The following ARFIP1 variants were observed in gnomAD, a reference collection of about 807,000 sequenced individuals.
ARFIP1 encodes ARF interacting protein 1, also known as arfaptin-1.
Under a neutral mutation model 42.5 loss-of-function variants are expected in ARFIP1, and 24 were observed. That is an observed-to-expected ratio of 0.57 (90% CI 0.41 to 0.80). The LOEUF (loss-of-function observed/expected upper bound fraction) is 0.80, where lower values mean the gene tolerates loss of function less well. Ranked by LOEUF, ARFIP1 falls within the 30% of genes least tolerant of loss-of-function variation. ARFIP1 has a pLI of 0.00. For synonymous variants in ARFIP1, 141 were observed against 153.7 expected (o/e 0.92, Z 0.61); for missense variants, 354 against 434.0 (o/e 0.82, Z 1.64).
intron 1 of ARFIP1, among the ~76,000 whole-genome samples, chr4:152,823,147 G>A (rs774074960): frequency 3.9e-5 from 6 of 152,012 alleles, no homozygotes; most frequent in East Asian, 1.9e-4. Context: ...TAAACTACTC[G>A]CTAGATGAAC....
At chr4:152,833,682 A>G (rs1432413172) in intron 2 of ARFIP1, among the ~76,000 whole-genome samples, 2 of 152,218 alleles carry the variant, frequency 1.3e-5, no homozygotes, top group Non-Finnish European at 2.9e-5. Flanking sequence ...ACAATGCGAT[A>G]TCATTCAAGC....
chr4:152,903,954 C>T (rs1201992758), intron 8 of ARFIP1, among the ~76,000 whole-genome samples: 1 of 152,148 alleles, frequency 6.6e-6, no homozygotes, highest in Non-Finnish European at 1.5e-5. Context: ...CTATTAACAG[C>T]AGCTCCCTGC....
chr4:152,911,080 T>C lies in ARFIP1; in HGVS notation c.*861T>C, dbSNP rs1738811841. 6.6e-6 allele frequency: 1 copy of C among 152,666 alleles called. No homozygotes were observed. The highest frequency in any genetic ancestry group is 1.5e-5 in the Non-Finnish European group (1 of 68,032). The allele number at this position is 152,666 out of a possible 1,614,324, so 9.5% of individuals were successfully genotyped here. A position where few individuals can be genotyped will look rare whatever the true frequency, so the allele number is the denominator to read the frequency against. Reference sequence around the variant, plus strand: ...GAAGTGAATACATAGACAGCTTTTATTGACTTCCATATGTAACAATACCGT... The same window carrying C: ...GAAGTGAATACATAGACAGCTTTTACTGACTTCCATATGTAACAATACCGT... On this transcript the variant is annotated 3_prime_UTR_variant, in exon 9 of 9. Coordinates refer to ENST00000353617, the MANE Select transcript of ARFIP1 (RefSeq NM_001025595.3).
At position 152,911,804 on chromosome 4, in the gene ARFIP1, A is replaced by G. The variant is rs990296870; in HGVS notation, c.*1585A>G. 8 of 152,488 alleles carry G rather than the reference A, an allele frequency of 5.2e-5. No homozygotes were observed. Among genetic ancestry groups the G allele is most frequent in the African/African-American group, 1.9e-4 (8 of 41,426 alleles). The allele number at this position is 152,488 out of a possible 1,614,324, so 9.4% of individuals were successfully genotyped here. On this transcript the variant is annotated 3_prime_UTR_variant, in exon 9 of 9. Coordinates refer to ENST00000353617, the MANE Select transcript of ARFIP1 (RefSeq NM_001025595.3). ...TGTATATTTGTACTCAGAGAGCCTT[A>G]TTTTATTCTTCCAGCAGAATTACTA...
At chr4:152,850,133 A>G (rs1395058547) in intron 2 of ARFIP1, among the ~76,000 whole-genome samples, 1 of 152,254 alleles carries the variant, frequency 6.6e-6, no homozygotes, top group Non-Finnish European at 1.5e-5. Context: ...ATTCTGCATC[A>G]GCATAGGTAG....
chr4:152,911,414 A>G lies in ARFIP1; in HGVS notation c.*1195A>G, dbSNP rs1262265008. 1 of 152,368 alleles carries G rather than the reference A, an allele frequency of 6.6e-6. No homozygotes were observed. The highest frequency in any genetic ancestry group is 1.5e-5 in the Non-Finnish European group (1 of 68,034). The allele number at this position is 152,368 out of a possible 1,614,324, so 9.4% of individuals were successfully genotyped here. A position where few individuals can be genotyped will look rare whatever the true frequency, so the allele number is the denominator to read the frequency against. ...TTTGGGACAGTGTGGTGGTACCAGG[A>G]AGAAAGAGGATTGGAAAGGCCAGTA... On this transcript the variant is annotated 3_prime_UTR_variant, in exon 9 of 9. Transcript: ENST00000353617.
At chr4:152,813,208 A>G (rs758335187) in intron 1 of ARFIP1, among the ~76,000 whole-genome samples, 12 of 150,850 alleles carry the variant, frequency 8.0e-5, no homozygotes, top group Non-Finnish European at 1.5e-4. Flanking sequence ...GATGATTTAA[A>G]GTGTACAGGA....
chr4:152,874,490 A>C (rs1164273713), intron 5 of ARFIP1, among the ~76,000 whole-genome samples: 1 of 152,196 alleles, frequency 6.6e-6, no homozygotes, highest in African/African-American at 2.4e-5. Context: ...CAACCAAAAA[A>C]AGTTCATAGT....
chr4:152,796,051 A>G (rs1578813831), intron 1 of ARFIP1: 2 of 706,928 alleles, frequency 2.8e-6, no homozygotes, highest in East Asian at 5.5e-5. Flanking sequence ...ATAATTATAT[A>G]TAAAATTGCT....
chr4:152,903,825 G>A (rs1383585297), intron 8 of ARFIP1, among the ~76,000 whole-genome samples: 2 of 152,014 alleles, frequency 1.3e-5, no homozygotes, highest in African/African-American at 2.4e-5. Flanking sequence ...AGCTGTCTCT[G>A]TGTTTAGTCA....
intron 1 of ARFIP1, among the ~76,000 whole-genome samples, chr4:152,823,207 G>A: frequency 6.6e-6 from 1 of 152,222 alleles, no homozygotes; most frequent in East Asian, 1.9e-4. Context: ...AAATGAAAAT[G>A]GAGACATTAC....
rs1178397930 is a variant in ARFIP1, at chr4:152,910,516, C to G, written c.*297C>G. ...TGAAAACATCTAATAGAGATTTGCA[C>G]TGACAAGATAAAAATTCAAGGTTTT... On this transcript the variant is annotated 3_prime_UTR_variant, in exon 9 of 9. Transcript: ENST00000353617. The G allele has an allele frequency of 4.9e-6, 1 of 205,298 alleles. No homozygotes were observed. Among genetic ancestry groups the G allele is most frequent in the Admixed American group, 5.9e-5 (1 of 16,968 alleles). The allele number at this position is 205,298 out of a possible 1,614,324, so 12.7% of individuals were successfully genotyped here.
Position 152,872,511 on chromosome 4 carries a change from C to T in ARFIP1, c.358C>T (p.Pro120Ser), listed in dbSNP as rs868510563. The T allele has an allele frequency of 1.1e-5, 17 of 1,611,550 alleles. No homozygotes were observed. The highest frequency in any genetic ancestry group is 5.5e-5 in the South Asian group (5 of 90,674). The change falls in exon 5 of 9, where the codon CCT (proline) becomes TCT (serine). Residue 120 changes from proline (P) to serine (S), a missense_variant. Physicochemically the swap from Pro to Ser is moderately conservative, Grantham distance 74 (BLOSUM62 -1). Transcript: ENST00000353617. ...TATTCTAGCAGATGAAATTAAAAATCCTGCAATGGAAAAGTTAGAACTTGT... is the reference window on the plus strand; with the variant it reads ...TATTCTAGCAGATGAAATTAAAAATTCTGCAATGGAAAAGTTAGAACTTGT... ...PVILADEIKN[P>S]AMEKLELVRK...
chr4:152,904,843 T>A (rs1015026476), intron 8 of ARFIP1, among the ~76,000 whole-genome samples: 1 of 152,228 alleles, frequency 6.6e-6, no homozygotes, highest in Non-Finnish European at 1.5e-5. Context: ...TGAATAGTGC[T>A]GCAGTAAACA....
chr4:152,809,700 A>G (rs1363523409), intron 1 of ARFIP1: 1 of 152,212 alleles, frequency 6.6e-6, no homozygotes, highest in Admixed American at 6.5e-5. Context: ...CCCAGCCTTC[A>G]CTTTTTTGGT....
chr4:152,808,143 G>T (rs1380691921), intron 1 of ARFIP1, among the ~76,000 whole-genome samples: 2 of 151,878 alleles, frequency 1.3e-5, no homozygotes, highest in Non-Finnish European at 2.9e-5. Flanking sequence ...ACCACGCCTG[G>T]CTATTTTTGT....
intron 2 of ARFIP1, among the ~76,000 whole-genome samples, chr4:152,847,590 T>G (rs1486654179): frequency 6.6e-6 from 1 of 152,006 alleles, no homozygotes; most frequent in African/African-American, 2.4e-5. Context: ...GAATTATTCT[T>G]TAAAATTATT....
At position 152,903,049 on chromosome 4, in the gene ARFIP1, T is replaced by G. The variant is rs1737979291; in HGVS notation, c.967-7015T>G. Among the ~76,000 whole-genome samples the G allele has an allele frequency of 2.6e-5, 4 of 152,342 alleles. No individual in the cohort carries two copies. In the South Asian group the frequency reaches 8.3e-4, roughly 32 times the overall value. ...TCCTTTTCTAATACTACTTAATTATTCCCTTTAATTGGTAATTATTTCAAT... is the reference window on the plus strand; with the variant it reads ...TCCTTTTCTAATACTACTTAATTATGCCCTTTAATTGGTAATTATTTCAAT... On this transcript the variant is annotated intron_variant, in intron 8 of 8. Transcript: ENST00000353617.
intron 2 of ARFIP1, among the ~76,000 whole-genome samples, chr4:152,842,017 G>A (rs1732128178): frequency 1.3e-5 from 2 of 152,160 alleles, no homozygotes; most frequent in African/African-American, 4.8e-5. Context: ...TGAGAGACAG[G>A]ACTAGCTGGA....
Sources: allele counts gnomAD v4.1 joint callset (sites outside exome capture counted in the v4.1 genomes callset), GRCh38; gene constraint gnomAD v4.1.1; transcripts MANE v1.5; gene names NCBI Gene and HGNC (gene_info 2026-07-23, HGNC 2026-07-21).